Variants in TAOK1 observed in about 807,000 individuals in gnomAD.
TAOK1 encodes serine/threonine-protein kinase TAO1.
A neutral mutation model predicts 138.3 loss-of-function variants in TAOK1; 21 were observed. The ratio of observed to expected loss-of-function variants is 0.15; its 90% CI spans 0.11 to 0.22. The LOEUF (loss-of-function observed/expected upper bound fraction) is 0.22. Ranked by LOEUF, TAOK1 falls within the 10% of genes least tolerant of loss-of-function variation. The pLI is 1.00. For missense variants in TAOK1, 651 were observed against 1,227.7 expected (o/e 0.53, Z 7.02); for synonymous variants, 361 against 398.4 (o/e 0.91, Z 1.12).
At chr17:29,442,827 C>T (rs964428469) in intron 1 of TAOK1, among the ~76,000 whole-genome samples, 1 of 152,024 alleles carries the variant, frequency 6.6e-6, no homozygotes, top group South Asian at 2.1e-4. Flanking sequence ...GAGGCTGAGG[C>T]GGGCAGATCA....
intron 2 of TAOK1, among the ~76,000 whole-genome samples, chr17:29,461,563 T>C (rs993908080): frequency 6.6e-6 from 1 of 152,214 alleles, no homozygotes; most frequent in East Asian, 1.9e-4. Context: ...AGTTTTAACA[T>C]TAAATAAAGA....
At position 29,408,229 on chromosome 17, in the gene TAOK1, T is replaced by G. The variant is rs539249709; in HGVS notation, c.-95+17205T>G. Among the ~76,000 whole-genome samples the G allele has an allele frequency of 9.6e-4, 145 of 150,526 alleles. 2 individuals carry two copies. Among genetic ancestry groups the G allele is most frequent in the Non-Finnish European group, 1.0e-4 (7 of 67,562 alleles). ...ACTGCACCTGGCCATAAGGTTTTTT[T>G]TTTTTTTTTTTGAGACACAGGATCT... On this transcript the variant is annotated intron_variant, in intron 1 of 19. Coordinates refer to ENST00000261716, the MANE Select transcript of TAOK1 (RefSeq NM_020791.4).
At chr17:29,470,208 G>A (rs1330989612) in intron 3 of TAOK1, among the ~76,000 whole-genome samples, 1 of 152,154 alleles carries the variant, frequency 6.6e-6, no homozygotes, top group Non-Finnish European at 1.5e-5. Flanking sequence ...GAGTAACTAT[G>A]TTTAGGATGT....
At position 29,467,156 on chromosome 17, in the gene TAOK1, G is replaced by A. The variant is rs970442589; in HGVS notation, c.144G>A (p.Val48=). The change falls in exon 3 of 20, where the codon GTG becomes GTA. Residue 48 remains valine (V), a synonymous_variant. Transcript: ENST00000261716. ...SFGAVYFARD[V]RTNEVVAIKK... ...TCTTTCTTCTTTAGGCACGAGATGT[G>A]CGTACCAATGAAGTGGTGGCCATCA... is the stretch of plus-strand genomic sequence containing the variant. 4 of 1,600,998 alleles carry A rather than the reference G, an allele frequency of 2.5e-6. No homozygotes were observed. Among genetic ancestry groups the A allele is most frequent in the Non-Finnish European group, 3.4e-6 (4 of 1,171,898 alleles).
At chr17:29,520,635 G>A (rs1470042112) in intron 16 of TAOK1, among the ~76,000 whole-genome samples, 1 of 151,540 alleles carries the variant, frequency 6.6e-6, no homozygotes, top group Non-Finnish European at 1.5e-5. Context: ...GGTTGGTCTC[G>A]AACTCCTGAC....
chr17:29,466,602 C>G (rs561529012), intron 2 of TAOK1, among the ~76,000 whole-genome samples: 2 of 152,234 alleles, frequency 1.3e-5, no homozygotes, highest in South Asian at 4.1e-4. Context: ...GTTAAACTGC[C>G]TTTGTAAAAT....
intron 1 of TAOK1, among the ~76,000 whole-genome samples, chr17:29,416,181 T>C (rs1905259288): frequency 1.3e-5 from 2 of 152,096 alleles, no homozygotes; most frequent in South Asian, 4.1e-4. Context: ...GGAGAATCGC[T>C]GGAACCCAGG....
chr17:29,503,273 G>A lies in TAOK1; in HGVS notation c.1338+550G>A, dbSNP rs1598511048. 2.6e-5 allele frequency among the ~76,000 whole-genome samples: 4 copies of A among 151,970 alleles called. No homozygotes were observed. In the South Asian group the frequency reaches 8.3e-4, roughly 32 times the overall value. Reference sequence around the variant, plus strand: ...TAGCCGGGCGTGGTGGCAGGAGCCTGTAGTCCCAGCTACTTGAGAGGCTGA... The same window carrying A: ...TAGCCGGGCGTGGTGGCAGGAGCCTATAGTCCCAGCTACTTGAGAGGCTGA... On this transcript the variant is annotated intron_variant, in intron 13 of 19. Transcript: ENST00000261716.
At position 29,526,819 on chromosome 17, in the gene TAOK1, T is replaced by TTAAAAAAAAAAAAA; in HGVS notation, c.2149-3588_2149-3587insTAAAAAAAAAAAAA. On this transcript the variant is annotated intron_variant, in intron 17 of 19. Coordinates refer to ENST00000261716, the MANE Select transcript of TAOK1 (RefSeq NM_020791.4). ...GGCAGCATAGGGAGATCTCATCTCT[T>TTAAAAAAAAAAAAA]AAAAAAAAAAAAAAAAAAAAAAAAA... Among the ~76,000 whole-genome samples, 2 of 50,952 alleles carry TTAAAAAAAAAAAAA rather than the reference T, an allele frequency of 3.9e-5. 1 individual carries two copies. The highest frequency in any genetic ancestry group is 1.5e-3 in the South Asian group (2 of 1,348). The allele number at this position is 50,952 out of a possible 152,430, so 33.4% of individuals were successfully genotyped here. A position where few individuals can be genotyped will look rare whatever the true frequency, so the allele number is the denominator to read the frequency against.
At position 29,549,431 on chromosome 17, in the gene TAOK1, G is replaced by T. The variant is rs2032454120; in HGVS notation, c.*6409G>T. 1 of 152,184 alleles carries T rather than the reference G, an allele frequency of 6.6e-6. No homozygotes were observed. Among genetic ancestry groups the T allele is most frequent in the African/African-American group, 2.4e-5 (1 of 41,442 alleles). The allele number at this position is 152,184 out of a possible 1,614,324, so 9.4% of individuals were successfully genotyped here. On this transcript the variant is annotated 3_prime_UTR_variant, in exon 20 of 20. Coordinates refer to ENST00000261716, the MANE Select transcript of TAOK1 (RefSeq NM_020791.4). ...TGAAAAGTGTGTGCTCTTTGCTTTT[G>T]CATGGCTTGGCTTAGTATCCAAGGT...
chr17:29,457,435 T>C (rs1480007009), intron 2 of TAOK1, among the ~76,000 whole-genome samples: 11 of 124,978 alleles, frequency 8.8e-5, no homozygotes, highest in South Asian at 2.6e-4. Flanking sequence ...AGATGGAGTG[T>C]GGCTCTGTAA....
intron 1 of TAOK1, among the ~76,000 whole-genome samples, chr17:29,413,884 T>G (rs894215693): frequency 7.0e-6 from 1 of 142,322 alleles, no homozygotes; most frequent in South Asian, 2.3e-4. Context: ...CTGGCTTCTT[T>G]TTTTTTTTTT....
chr17:29,413,996 C>T (rs1310487346), intron 1 of TAOK1, among the ~76,000 whole-genome samples: 2 of 148,026 alleles, frequency 1.4e-5, no homozygotes, highest in African/African-American at 2.5e-5. Flanking sequence ...CATTCTCCTG[C>T]CTCAGCCTCC....
At chr17:29,508,263 A>G (rs2031661850) in intron 14 of TAOK1, 131 bp downstream of exon 14, 1 of 729,576 alleles carries the variant, frequency 1.4e-6, no homozygotes, top group Non-Finnish European at 2.3e-6. Context: ...AGAAGCATTT[A>G]TGTGACTTAT....
Position 29,542,762 on chromosome 17 carries a change from G to T in TAOK1, c.2746G>T (p.Gly916Trp), listed in dbSNP as rs777387008. 7 of 1,614,214 alleles carry T rather than the reference G, an allele frequency of 4.3e-6. No individual in the cohort carries two copies. The highest frequency in any genetic ancestry group is 5.9e-6 in the Non-Finnish European group (7 of 1,180,040). The change falls in exon 20 of 20, where the codon GGG becomes TGG. Residue 916 changes from glycine to tryptophan, a missense_variant. Gly to Trp is a radical substitution (Grantham distance 184). Coordinates refer to ENST00000261716, the MANE Select transcript of TAOK1 (RefSeq NM_020791.4). ...GASGWSHNPT[G>W]GPGPHWGHPM... ...TTCTGGTTGGTCACACAACCCTACTGGGGGTCCAGGACCTCACTGGGGTCA... is the reference window on the plus strand; with the variant it reads ...TTCTGGTTGGTCACACAACCCTACTTGGGGTCCAGGACCTCACTGGGGTCA...
At position 29,507,916 on chromosome 17, in the gene TAOK1, A is replaced by G. The variant is rs766288256; in HGVS notation, c.1359A>G (p.Glu453=). Reference sequence around the variant, plus strand: ...TCTAGGTTACGAGGCAAATGCAAGAACATGAGCAGGACTCTGAGCTTAGAG... The same window carrying G: ...TCTAGGTTACGAGGCAAATGCAAGAGCATGAGCAGGACTCTGAGCTTAGAG... ...TASLVTRQMQ[E]HEQDSELREQ... The change falls in exon 14 of 20, where the codon GAA becomes GAG. Residue 453 remains glutamate (E), a synonymous_variant. Coordinates refer to ENST00000261716, the MANE Select transcript of TAOK1 (RefSeq NM_020791.4). 1.9e-6 allele frequency: 3 copies of G among 1,613,814 alleles called. No homozygotes were observed. The African/African-American group carries it at 4.0e-5, about 22-fold the overall frequency.
intron 1 of TAOK1, among the ~76,000 whole-genome samples, chr17:29,398,828 A>G (rs923985605): frequency 1.3e-5 from 2 of 151,462 alleles, no homozygotes; most frequent in Non-Finnish European, 2.9e-5. Flanking sequence ...GAGCCACCAC[A>G]CCCGTTAATG....
chr17:29,430,083 C>T (rs1251216622), intron 1 of TAOK1, among the ~76,000 whole-genome samples: 1 of 152,082 alleles, frequency 6.6e-6, no homozygotes, highest in Non-Finnish European at 1.5e-5. Flanking sequence ...GTATTTTTGT[C>T]ACCAGTAGAG....
chr17:29,495,121 G>A (rs1022180328), intron 10 of TAOK1, among the ~76,000 whole-genome samples: 2 of 152,046 alleles, frequency 1.3e-5, no homozygotes, highest in Admixed American at 1.3e-4. Context: ...TGTTCACGCA[G>A]CATATAAAGG....
Sources: allele counts gnomAD v4.1 joint callset (sites outside exome capture counted in the v4.1 genomes callset), GRCh38; gene constraint gnomAD v4.1.1; transcripts MANE v1.5; gene names NCBI Gene and HGNC (gene_info 2026-07-23, HGNC 2026-07-21).